The following NELL2 variants were observed in gnomAD, a reference collection of about 807,000 sequenced individuals.
NELL2 encodes neural EGFL like 2.
In NELL2, 41 loss-of-function variants were observed where a neutral mutation model predicts 109.6. That is an observed-to-expected ratio of 0.37 (90% CI 0.29 to 0.49). The LOEUF (loss-of-function observed/expected upper bound fraction) is 0.49, where lower values mean the gene tolerates loss of function less well. NELL2 is among the 20% of genes least tolerant of loss of function. The pLI is 0.98. For missense variants in NELL2, 900 were observed against 1,008.3 expected (o/e 0.89, Z 1.45); for synonymous variants, 355 against 344.7 (o/e 1.03, Z -0.33).
At chr12:44,900,113 A>T (rs922366710) in intron 1 of NELL2, among the ~76,000 whole-genome samples, 1 of 152,234 alleles carries the variant, frequency 6.6e-6, no homozygotes, top group Non-Finnish European at 1.5e-5. Flanking sequence ...TTTGTAAAGC[A>T]AGTTCTTAGA....
At chr12:44,875,152 A>C (rs901422114) in intron 2 of NELL2, 73 bp downstream of exon 2, 31 of 1,546,210 alleles carry the variant, frequency 2.0e-5, no homozygotes, top group Middle Eastern at 2.1e-4. Context: ...AAGTTAGGAC[A>C]AGCGGCAAGA....
intron 12 of NELL2, among the ~76,000 whole-genome samples, chr12:44,701,786 C>T (rs1023757530): frequency 6.6e-6 from 1 of 152,110 alleles, no homozygotes; most frequent in African/African-American, 2.4e-5. Flanking sequence ...ATTTCCACAG[C>T]TCCCCATCAC....
intron 13 of NELL2, among the ~76,000 whole-genome samples, chr12:44,619,362 C>T (rs1433517880): frequency 1.3e-5 from 2 of 152,128 alleles, no homozygotes. Context: ...TAAATAGCTG[C>T]TTCCAGCTGT....
chr12:44,711,470 G>A (rs1938199236), intron 10 of NELL2, 76 bp from the exon 11 acceptor site: 5 of 1,260,634 alleles, frequency 4.0e-6, no homozygotes, highest in Admixed American at 3.6e-5. Flanking sequence ...TCCAGCATCT[G>A]AGAAGACTCT....
At chr12:44,720,849 T>G (rs1014359565) in intron 9 of NELL2, among the ~76,000 whole-genome samples, 1 of 152,196 alleles carries the variant, frequency 6.6e-6, no homozygotes, top group Non-Finnish European at 1.5e-5. Context: ...TTCTGTTTTA[T>G]ATACACCATG....
chr12:44,644,573 A>G (rs1946986176), intron 13 of NELL2, among the ~76,000 whole-genome samples: 1 of 107,048 alleles, frequency 9.3e-6, no homozygotes, highest in South Asian at 3.1e-4. Context: ...ATACCAGACA[A>G]AGTAAAGTAT....
chr12:44,704,994 G>C (rs1203827989), intron 11 of NELL2, among the ~76,000 whole-genome samples: 2 of 148,042 alleles, frequency 1.4e-5, no homozygotes, highest in Non-Finnish European at 3.0e-5. Flanking sequence ...ACTCCAGCCT[G>C]GGCAAAAGAG....
intron 19 of NELL2, among the ~76,000 whole-genome samples, chr12:44,513,596 A>C (rs902781915): frequency 2.6e-5 from 4 of 151,998 alleles, no homozygotes; most frequent in Non-Finnish European, 5.9e-5. Flanking sequence ...AATTAAGTGG[A>C]AATTCTGGAA....
intron 1 of NELL2, among the ~76,000 whole-genome samples, chr12:44,891,928 A>G (rs2658980): frequency 0.035 from 5,300 of 152,322 alleles, 200 homozygotes; most frequent in African/African-American, 0.086. Context: ...CAACTGTATG[A>G]GTAAAGTAGC....
chr12:44,569,379 A>C (rs1387682993), intron 15 of NELL2, among the ~76,000 whole-genome samples: 1 of 151,904 alleles, frequency 6.6e-6, no homozygotes, highest in Non-Finnish European at 1.5e-5. Context: ...TACAATTTAC[A>C]CTCCTTTGGA....
chr12:44,714,813 TAA>T, intron 9 of NELL2, 72 bp from the exon 10 acceptor site: 1 of 935,552 alleles, frequency 1.1e-6, no homozygotes, highest in Non-Finnish European at 1.6e-6. Flanking sequence ...GATCATCTTG[TAA>T]CAGCATTCCA....
At chr12:44,823,113 TA>T (rs1383031766) in intron 2 of NELL2, among the ~76,000 whole-genome samples, 1 of 152,166 alleles carries the variant, frequency 6.6e-6, no homozygotes, top group Non-Finnish European at 1.5e-5. Context: ...TTTCTCTTCT[TA>T]ATGGGATATA....
intron 2 of NELL2, among the ~76,000 whole-genome samples, chr12:44,846,073 T>C (rs1361293630): frequency 1.3e-5 from 2 of 152,216 alleles, no homozygotes; most frequent in African/African-American, 4.8e-5. Context: ...GGAGCACTAA[T>C]AACCATATGG....
At chr12:44,695,365 G>C (rs1185161271) in intron 12 of NELL2, among the ~76,000 whole-genome samples, 1 of 150,592 alleles carries the variant, frequency 6.6e-6, no homozygotes, top group Admixed American at 6.6e-5. Context: ...CCTTTCTAAA[G>C]AAAAATCTTA....
chr12:44,799,875 T>G (rs1942772129), intron 3 of NELL2, among the ~76,000 whole-genome samples: 2 of 152,190 alleles, frequency 1.3e-5, no homozygotes, highest in Non-Finnish European at 2.9e-5. Flanking sequence ...CTACATTATG[T>G]TTAAACATTA....
At chr12:44,743,488 T>A (rs1940129436) in intron 9 of NELL2, among the ~76,000 whole-genome samples, 2 of 133,686 alleles carry the variant, frequency 1.5e-5, no homozygotes, top group Admixed American at 8.2e-5. Context: ...AATGCCCCAA[T>A]TAAAAGACAC....
intron 19 of NELL2, among the ~76,000 whole-genome samples, chr12:44,516,915 T>C (rs1323249689): frequency 2.0e-5 from 3 of 151,298 alleles, no homozygotes; most frequent in Non-Finnish European, 2.9e-5. Context: ...TTTTTTTTTT[T>C]TGCTAATTTT....
chr12:44,521,356 C>T (rs994066319), intron 18 of NELL2, among the ~76,000 whole-genome samples: 57 of 151,876 alleles, frequency 3.8e-4, no homozygotes, highest in African/African-American at 1.4e-3. Context: ...CGGTGAAACC[C>T]CGTCTCTACT....
intron 15 of NELL2, among the ~76,000 whole-genome samples, chr12:44,540,079 G>C (rs112300637): frequency 4.1e-4 from 62 of 152,272 alleles, no homozygotes; most frequent in African/African-American, 1.5e-3. Flanking sequence ...AATAGGTGAA[G>C]AGAATGTGTT....
Sources: allele counts gnomAD v4.1 joint callset (sites outside exome capture counted in the v4.1 genomes callset), GRCh38; gene constraint gnomAD v4.1.1; transcripts MANE v1.5; gene names NCBI Gene and HGNC (gene_info 2026-07-23, HGNC 2026-07-21).